Variants in PLS1 observed in about 807,000 individuals in gnomAD.
PLS1 encodes plastin 1.
A neutral mutation model predicts 73.7 loss-of-function variants in PLS1; 32 were observed. The ratio of observed to expected loss-of-function variants is 0.43; its 90% CI spans 0.33 to 0.58. PLS1 has a LOEUF of 0.58. Among genes scored for constraint, PLS1 ranks in the 20% least tolerant of loss-of-function variants. PLS1 has a pLI of 0.04. For synonymous variants in PLS1, 217 were observed against 261.3 expected (o/e 0.83, Z 1.63); for missense variants, 633 against 740.5 (o/e 0.85, Z 1.68).
intron 1 of PLS1, among the ~76,000 whole-genome samples, chr3:142,657,778 A>T (rs984642470): frequency 3.3e-5 from 5 of 152,078 alleles, no homozygotes; most frequent in African/African-American, 1.2e-4. Flanking sequence ...GTGAGCCACC[A>T]CGCCCAGTGT....
intron 3 of PLS1, 121 bp downstream of exon 3, chr3:142,669,674 GA>G: frequency 1.2e-5 from 1 of 85,214 alleles, no homozygotes; most frequent in Non-Finnish European, 2.4e-5. Context: ...GCTTTAAAAT[GA>G]TGATGATGAT....
intron 1 of PLS1, among the ~76,000 whole-genome samples, chr3:142,642,147 C>CT (rs913625878): frequency 2.0e-5 from 3 of 152,014 alleles, no homozygotes; most frequent in Non-Finnish European, 4.4e-5. Flanking sequence ...TCTAACCTGT[C>CT]TTTTTTTCTT....
intron 1 of PLS1, among the ~76,000 whole-genome samples, chr3:142,612,557 A>G (rs2036143111): frequency 6.6e-6 from 1 of 152,130 alleles, no homozygotes; most frequent in African/African-American, 2.4e-5. Context: ...ATCTCAAGTA[A>G]ACACAACTGA....
intron 2 of PLS1, among the ~76,000 whole-genome samples, chr3:142,665,609 T>C (rs967676936): frequency 6.6e-6 from 1 of 152,216 alleles, no homozygotes; most frequent in Non-Finnish European, 1.5e-5. Context: ...TAGTTTGATA[T>C]TTCTGTTATT....
At chr3:142,697,158 C>T (rs761674123) in intron 11 of PLS1, among the ~76,000 whole-genome samples, 4 of 152,150 alleles carry the variant, frequency 2.6e-5, no homozygotes, top group East Asian at 1.9e-4. Context: ...AACAGCCATA[C>T]GTTAACCTTC....
intron 12 of PLS1, 150 bp from the exon 13 acceptor site, chr3:142,703,717 TC>T: frequency 1.7e-6 from 1 of 588,212 alleles, no homozygotes; most frequent in South Asian, 2.4e-5. Context: ...AATAATTATG[TC>T]CTTGCTTTCC....
chr3:142,688,465 A>G (rs1251021371), intron 9 of PLS1, among the ~76,000 whole-genome samples: 2 of 152,162 alleles, frequency 1.3e-5, no homozygotes, highest in Non-Finnish European at 2.9e-5. Flanking sequence ...AAATTGTAAC[A>G]AGCCTCATGA....
chr3:142,633,699 G>T (rs1430323294), intron 1 of PLS1, among the ~76,000 whole-genome samples: 1 of 152,060 alleles, frequency 6.6e-6, no homozygotes, highest in Non-Finnish European at 1.5e-5. Flanking sequence ...ACATGGTTAA[G>T]ATGGTAAATT....
intron 4 of PLS1, among the ~76,000 whole-genome samples, chr3:142,672,880 A>C (rs755937087): frequency 1.3e-5 from 2 of 152,186 alleles, no homozygotes; most frequent in Non-Finnish European, 2.9e-5. Context: ...GAACACTTTC[A>C]TTACACCAAA....
chr3:142,598,634 G>A (rs1577748955), intron 1 of PLS1, among the ~76,000 whole-genome samples: 1 of 152,302 alleles, frequency 6.6e-6, no homozygotes, highest in Non-Finnish European at 1.5e-5. Context: ...GAGAAGGAAA[G>A]ACATGTTGAA....
At chr3:142,644,867 A>G (rs983728344) in intron 1 of PLS1, among the ~76,000 whole-genome samples, 14 of 152,208 alleles carry the variant, frequency 9.2e-5, no homozygotes, top group African/African-American at 3.4e-4. Flanking sequence ...CTAGTGAGAA[A>G]CAATTTCCAG....
intron 2 of PLS1, among the ~76,000 whole-genome samples, chr3:142,668,210 C>T (rs541703436): frequency 6.6e-5 from 10 of 152,252 alleles, no homozygotes; most frequent in African/African-American, 2.4e-4. Flanking sequence ...TGCCTTTGTT[C>T]TGAGTCAAGA....
intron 1 of PLS1, among the ~76,000 whole-genome samples, chr3:142,640,872 C>A (rs2036817112): frequency 2.0e-5 from 3 of 152,128 alleles, no homozygotes. Flanking sequence ...AAGTGTGAAT[C>A]TTCACTTTTT....
intron 2 of PLS1, among the ~76,000 whole-genome samples, chr3:142,665,550 CT>C (rs2037464733): frequency 6.6e-6 from 1 of 152,050 alleles, no homozygotes; most frequent in Non-Finnish European, 1.5e-5. Flanking sequence ...TTGAAATGTT[CT>C]GCTCATTCTG....
At chr3:142,699,866 T>C (rs185129320) in intron 12 of PLS1, among the ~76,000 whole-genome samples, 1 of 152,316 alleles carries the variant, frequency 6.6e-6, no homozygotes, top group Admixed American at 6.5e-5. Context: ...GTTACTCGTA[T>C]GTTTCAGCAT....
intron 1 of PLS1, among the ~76,000 whole-genome samples, chr3:142,602,498 C>T (rs1479856410): frequency 6.6e-6 from 1 of 152,054 alleles, no homozygotes. Flanking sequence ...CATTCTCCCC[C>T]AATTTTTAAG....
At chr3:142,702,948 A>T (rs2038361188) in intron 12 of PLS1, among the ~76,000 whole-genome samples, 3 of 152,326 alleles carry the variant, frequency 2.0e-5, no homozygotes, top group Middle Eastern at 3.4e-3. Context: ...GGAAACACAT[A>T]CAAGGCTAAG....
intron 1 of PLS1, among the ~76,000 whole-genome samples, chr3:142,603,046 G>T (rs1033486027): frequency 3.3e-5 from 5 of 152,220 alleles, no homozygotes; most frequent in African/African-American, 1.2e-4. Context: ...TCTGGCTGAT[G>T]ATGAACGTCG....
At chr3:142,616,217 C>T in intron 1 of PLS1, among the ~76,000 whole-genome samples, 1 of 152,128 alleles carries the variant, frequency 6.6e-6, no homozygotes, top group East Asian at 1.9e-4. Flanking sequence ...GCCCTGTAGT[C>T]TGGAAGATGA....
Sources: allele counts gnomAD v4.1 joint callset (sites outside exome capture counted in the v4.1 genomes callset), GRCh38; gene constraint gnomAD v4.1.1; transcripts MANE v1.5; gene names NCBI Gene and HGNC (gene_info 2026-07-23, HGNC 2026-07-21).